PNISR: variants seen among roughly 807,000 people sequenced by gnomAD.
PNISR encodes the protein PNN interacting serine and arginine rich protein.
Under a neutral mutation model 93.4 loss-of-function variants are expected in PNISR, and 20 were observed. That is an observed-to-expected ratio of 0.21 (90% confidence interval 0.15 to 0.31). The LOEUF (loss-of-function observed/expected upper bound fraction) is 0.31. Ranked by LOEUF, PNISR falls within the 10% of genes least tolerant of loss-of-function variation. The pLI, the probability that PNISR is intolerant of heterozygous loss-of-function variation, is 1.00. For synonymous variants in PNISR, 305 were observed against 306.5 expected, an observed-to-expected ratio of 0.99 and a Z score of 0.05; for missense variants, 893 against 985.4, an observed-to-expected ratio of 0.91 and a Z score of 1.25.
At chr6:99,422,490 G>A (rs1315590637) in intron 1 of PNISR, among the ~76,000 whole-genome samples, 2 of 152,112 alleles carry the variant, frequency 1.3e-5, no homozygotes, top group Non-Finnish European at 2.9e-5. Context: ...GTAATCATTC[G>A]AAATACGGAA....
intron 8 of PNISR, 138 bp from the exon 9 acceptor site, chr6:99,404,840 G>T: frequency 3.6e-6 from 2 of 559,974 alleles, no homozygotes; most frequent in Admixed American, 3.1e-5. Context: ...TCATACTGGC[G>T]TGATATTGGC....
chr6:99,400,296 G>T lies in PNISR; in HGVS notation c.*244C>A. On this transcript the variant is annotated 3_prime_UTR_variant, in exon 12 of 12. Coordinates refer to ENST00000369239, the MANE Select transcript of PNISR (RefSeq NM_032870.4). ...ACATCATTCCTCAGCGTTTACGACGGGGAGGGGTTGTTGATCTGAAAAAAA... is the reference window on the plus strand; with the variant it reads ...ACATCATTCCTCAGCGTTTACGACGTGGAGGGGTTGTTGATCTGAAAAAAA... The T allele has an allele frequency of 9.5e-7, 1 of 1,050,282 alleles. No individual in the cohort carries two copies. The highest frequency in any genetic ancestry group is 1.2e-6 in the Non-Finnish European group (1 of 866,328). The allele number at this position is 1,050,282 out of a possible 1,614,324, so 65.1% of individuals were successfully genotyped here.
Position 99,401,154 on chromosome 6 carries a change from T to C in PNISR, c.1804A>G (p.Ile602Val), listed in dbSNP as rs1488390005. The change falls in exon 12 of 12, where the codon ATT (isoleucine) becomes GTT (valine). Residue 602 changes from isoleucine to valine, a missense_variant. By Grantham distance (29) the Ile-to-Val change is conservative (BLOSUM62 3). Transcript: ENST00000369239. ...CGATTTCGTCGTCTTTCTCTTTCAA[T>C]GCTATTTCTATTAGATCTCCTTCTA... is the stretch of plus-strand genomic sequence containing the variant. The part of the protein sequence containing the change: ...RDRRRSNRNS[I>V]ERERRRNRSP... 7 of 1,614,036 alleles carry C rather than the reference T, an allele frequency of 4.3e-6. No homozygotes were observed. The highest frequency in any genetic ancestry group is 4.0e-5 in the African/African-American group (3 of 74,942).
Position 99,401,066 on chromosome 6 carries a change from G to A in PNISR, c.1892C>T (p.Ala631Val). 1 of 1,613,328 alleles carries A rather than the reference G, an allele frequency of 6.2e-7. No homozygotes were observed. The highest frequency in any genetic ancestry group is 8.5e-7 in the Non-Finnish European group (1 of 1,179,892). ...SRSRDRRTNR[A>V]SRSRSRDRRK... ...CCTATCTCGACTCCTACTGCGACTG[G>A]CACGATTGGTTCGTCTATCCCTTGA... Residue 631 changes from alanine (A) to valine (V), a missense_variant, in exon 12 of 12, where the codon GCC (alanine) becomes GTC (valine). This residue lies in a region of PNISR where 866 missense variants were observed against 935.1 expected (regional missense o/e 0.93). Transcript: ENST00000369239.
At chr6:99,408,542 G>C (rs567798542) in intron 6 of PNISR, among the ~76,000 whole-genome samples, 1 of 151,988 alleles carries the variant, frequency 6.6e-6, no homozygotes, top group African/African-American at 2.4e-5. Context: ...ACTGAGACTC[G>C]AAAAAATTAA....
At chr6:99,403,026 A>G (rs1775720103) in intron 10 of PNISR, 1 of 191,010 alleles carries the variant, frequency 5.2e-6, no homozygotes, top group Admixed American at 6.1e-5. Flanking sequence ...GCCACGCTAA[A>G]GCTTAATGAT....
chr6:99,420,161 C>G (rs1382847524), intron 1 of PNISR, among the ~76,000 whole-genome samples: 1 of 152,182 alleles, frequency 6.6e-6, no homozygotes, highest in Non-Finnish European at 1.5e-5. Flanking sequence ...GGATTACAGA[C>G]GTGAGCTATC....
intron 1 of PNISR, among the ~76,000 whole-genome samples, chr6:99,423,958 T>G (rs953581990): frequency 2.6e-5 from 4 of 152,172 alleles, no homozygotes; most frequent in Non-Finnish European, 5.9e-5. Context: ...ACAGCAGTTA[T>G]TAATATATTG....
chr6:99,410,983 T>G lies in PNISR; in HGVS notation c.278-19A>C. The G allele has an allele frequency of 1.9e-6, 3 of 1,566,222 alleles. No homozygotes were observed. Among genetic ancestry groups the G allele is most frequent in the Non-Finnish European group, 2.6e-6 (3 of 1,137,736 alleles). On this transcript the variant is annotated intron_variant, in intron 4 of 11. Transcript: ENST00000369239. The stretch of plus-strand genomic sequence containing the variant: ...CCCCATTCTATTTAAGATTTAGGCA[T>G]AAAAACATTCAACAGGCGGTTATAA...
chr6:99,425,177 C>T (rs1779338675), intron 1 of PNISR, 38 bp downstream of exon 1: 6 of 1,205,898 alleles, frequency 5.0e-6, no homozygotes, highest in African/African-American at 4.7e-5. Context: ...TGTAATGGTC[C>T]GGCAAGTGCC....
At position 99,406,050 on chromosome 6, in the gene PNISR, T is replaced by G. The variant is rs766561422; in HGVS notation, c.983A>C (p.Glu328Ala). ...TTCTACCATTTGATACTCTTTCTCC[T>G]CTTCAGTCATCTCAGGGTCACTGTG... Reference protein sequence around the residue: ...EEHSDPEMTEEEKEYQMMLLT... With the variant: ...EEHSDPEMTEAEKEYQMMLLT... Residue 328 changes from glutamate (E) to alanine (A), a missense_variant, in exon 8 of 12, where the codon GAG becomes GCG. By Grantham distance (107) the Glu-to-Ala change is moderately radical. Coordinates refer to ENST00000369239, the MANE Select transcript of PNISR (RefSeq NM_032870.4). 1.2e-6 allele frequency: 2 copies of G among 1,609,766 alleles called. No homozygotes were observed. The highest frequency in any genetic ancestry group is 2.2e-5 in the South Asian group (2 of 90,552).
At chr6:99,416,079 C>G in intron 2 of PNISR, 1 of 247,338 alleles carries the variant, frequency 4.0e-6, no homozygotes, top group Non-Finnish European at 7.6e-6. Context: ...TAGAATATGG[C>G]AAAATAGGCA....
At chr6:99,408,631 G>C (rs1013449744) in intron 6 of PNISR, among the ~76,000 whole-genome samples, 1 of 152,194 alleles carries the variant, frequency 6.6e-6, no homozygotes, top group African/African-American at 2.4e-5. Context: ...ATTAACAAAT[G>C]CTCCTGTCCA....
chr6:99,414,794 C>T, intron 2 of PNISR, 104 bp from the exon 3 acceptor site: 1 of 519,062 alleles, frequency 1.9e-6, no homozygotes, highest in South Asian at 4.3e-5. Context: ...CATCAGAGGT[C>T]TAAAATTCTT....
intron 5 of PNISR, 136 bp from the exon 6 acceptor site, chr6:99,409,480 C>A: frequency 2.9e-6 from 2 of 687,622 alleles, no homozygotes; most frequent in South Asian, 2.2e-5. Context: ...TAATATCCAC[C>A]GATACTTCTA....
chr6:99,417,152 TAC>T (rs1414761300), intron 1 of PNISR, among the ~76,000 whole-genome samples: 17 of 152,342 alleles, frequency 1.1e-4, no homozygotes, highest in African/African-American at 4.1e-4. Flanking sequence ...ACTCATATAA[TAC>T]AGACATTATC....
rs1775283271 is a variant in PNISR, at chr6:99,400,173, ATTCTGGT to A, written c.*360_*366del. ...TATTTACAGATTAAAAAAAAAAAAG[ATTCTGGT>A]TTCACCTACACAGCCACAATGTGCC... On this transcript the variant is annotated 3_prime_UTR_variant, in exon 12 of 12. Transcript: ENST00000369239. The A allele has an allele frequency of 5.2e-6, 1 of 193,898 alleles. No individual in the cohort carries two copies. The highest frequency in any genetic ancestry group is 6.5e-5 in the Admixed American group (1 of 15,416). 12.0% of individuals were successfully genotyped at this position (193,898 alleles called of 1,614,324 possible).
In PNISR at chr6:99,403,835, C is replaced by T; in HGVS notation, c.1150G>A (p.Gly384Arg). 1 of 1,612,650 alleles carries T rather than the reference C, an allele frequency of 6.2e-7. No homozygotes were observed. Among genetic ancestry groups the T allele is most frequent in the South Asian group, 1.1e-5 (1 of 91,002 alleles). The change falls in exon 10 of 12, where the codon GGA becomes AGA. Residue 384 changes from glycine to arginine, a missense_variant. This residue lies in a region of PNISR where 866 missense variants were observed against 935.1 expected (regional missense o/e 0.93). Transcript: ENST00000369239. ...AAATATGGAAAACACTTACCGAGTC[C>T]AGTGAGGGAAGCCAGTGCACTGGAC... is the stretch of plus-strand genomic sequence containing the variant. The part of the protein sequence containing the change: ...AQSSALASLT[G>R]LGGLGGYGSG...
rs1337787900 is a variant in PNISR, at chr6:99,409,249, T to C, written c.597A>G (p.Arg199=). Residue 199 remains arginine, a synonymous_variant, in exon 6 of 12, where the codon AGA becomes AGG. Transcript: ENST00000369239. ...GATCCCTGAATGATGATGGCCTTTC[T>C]CTTCGATTCTGGGGAGGTGCTGGAG... ...PGPPAPPQNR[R]ERPSSFRDRQ... 1 of 1,614,034 alleles carries C rather than the reference T, an allele frequency of 6.2e-7. No homozygotes were observed. Among genetic ancestry groups the C allele is most frequent in the African/African-American group, 1.3e-5 (1 of 75,036 alleles).
Sources: allele counts gnomAD v4.1 joint callset (sites outside exome capture counted in the v4.1 genomes callset), GRCh38; gene constraint gnomAD v4.1.1; regional missense constraint gnomAD v4.1.1; transcripts MANE v1.5; gene names NCBI Gene and HGNC (gene_info 2026-07-23, HGNC 2026-07-21).